MACF1: variants seen among roughly 807,000 people sequenced by gnomAD.
MACF1 encodes microtubule-actin cross-linking factor 1.
MACF1 carries 193 observed loss-of-function variants against 854.8 expected under a neutral mutation model. The ratio of observed to expected loss-of-function variants is 0.23; its 90% confidence interval spans 0.20 to 0.25. The LOEUF (loss-of-function observed/expected upper bound fraction) is 0.25. MACF1 is among the 10% of genes least tolerant of loss of function. MACF1 has a pLI of 1.00. For missense variants in MACF1, 7,722 were observed against 8,929.1 expected, an observed-to-expected ratio of 0.86 and a Z score of 5.45; for synonymous variants, 3,185 against 3,226.7, an observed-to-expected ratio of 0.99 and a Z score of 0.44.
chr1:39,293,762 G>T, intron 18 of MACF1, 143 bp downstream of exon 18: 1 of 658,760 alleles, frequency 1.5e-6, no homozygotes. Flanking sequence ...ATCCATGCAT[G>T]TGAGAAGTGT....
intron 2 of MACF1, among the ~76,000 whole-genome samples, chr1:39,097,117 T>C (rs569270942): frequency 1.6e-4 from 25 of 152,096 alleles, no homozygotes; most frequent in African/African-American, 6.0e-4. Context: ...CCTCAGGTGA[T>C]CCACCCGCCT....
intron 79 of MACF1, 38 bp downstream of exon 79, chr1:39,443,612 A>G (rs375408033): frequency 1.5e-5 from 24 of 1,567,332 alleles, no homozygotes; most frequent in South Asian, 3.6e-5. Context: ...TAAGCATCCC[A>G]TATTCACTAG....
intron 2 of MACF1, among the ~76,000 whole-genome samples, chr1:39,240,418 C>T (rs1196132236): frequency 6.6e-6 from 1 of 152,080 alleles, no homozygotes; most frequent in Admixed American, 6.6e-5. Flanking sequence ...ACATATGGGC[C>T]TATATTTGGA....
At chr1:39,405,568 T>G (rs1468012746) in intron 58 of MACF1, among the ~76,000 whole-genome samples, 1 of 152,214 alleles carries the variant, frequency 6.6e-6, no homozygotes, top group East Asian at 1.9e-4. Flanking sequence ...GGAGCTATGT[T>G]AGGGTGTGAG....
intron 52 of MACF1, among the ~76,000 whole-genome samples, chr1:39,374,232 ACT>A (rs1649519416): frequency 6.6e-6 from 1 of 152,116 alleles, no homozygotes; most frequent in Admixed American, 6.6e-5. Flanking sequence ...ACAGGGCGAG[ACT>A]CTGTCTAAAA....
At chr1:39,134,385 C>T (rs150606851) in intron 2 of MACF1, among the ~76,000 whole-genome samples, 10 of 152,258 alleles carry the variant, frequency 6.6e-5, no homozygotes, top group Non-Finnish European at 1.2e-4. Context: ...AATCAGGGAG[C>T]ATGCCTCTAA....
At chr1:39,301,717 G>A (rs938685686) in intron 22 of MACF1, among the ~76,000 whole-genome samples, 7 of 152,126 alleles carry the variant, frequency 4.6e-5, no homozygotes, top group Middle Eastern at 3.4e-3. Flanking sequence ...AAGCCACTGC[G>A]CCCAGCGTTT....
rs775130984 is a variant in MACF1, at chr1:39,357,597, C to G, written c.11647C>G (p.Leu3883Val). 1.2e-6 allele frequency: 2 copies of G among 1,614,026 alleles called. No individual in the cohort carries two copies. The highest frequency in any genetic ancestry group is 8.5e-7 in the Non-Finnish European group (1 of 1,180,040). Residue 3883 changes from leucine (L) to valine (V), a missense_variant, in exon 45 of 101, where the codon CTG becomes GTG. Coordinates refer to ENST00000564288, the MANE Select transcript of MACF1 (RefSeq NM_001394062.1). ...QTLQDELQKFLQDHKEFESWL... is the reference protein window; with the variant it reads ...QTLQDELQKFVQDHKEFESWL... ...ACTTCAGGATGAGTTGCAGAAATTTCTGCAGGATCATAAAGAGTTTGAAAG... is the reference window on the plus strand; with the variant it reads ...ACTTCAGGATGAGTTGCAGAAATTTGTGCAGGATCATAAAGAGTTTGAAAG...
intron 23 of MACF1, among the ~76,000 whole-genome samples, chr1:39,308,658 T>C (rs1487021132): frequency 7.0e-6 from 1 of 141,870 alleles, no homozygotes; most frequent in Non-Finnish European, 1.5e-5. Context: ...TTCAGTTTTC[T>C]TTTTTTTTTT....
At chr1:39,393,196 A>AAAATATATATATATAT (rs57576149) in intron 58 of MACF1, among the ~76,000 whole-genome samples, 2 of 66,566 alleles carry the variant, frequency 3.0e-5, no homozygotes, top group African/African-American at 1.7e-4. Context: ...AAAAAAAAAA[A>AAAATATATATATATAT]ATATATATAT....
At chr1:39,206,030 G>A (rs1644446229) in intron 1 of MACF1, among the ~76,000 whole-genome samples, 1 of 152,130 alleles carries the variant, frequency 6.6e-6, no homozygotes, top group Admixed American at 6.6e-5. Flanking sequence ...ACTTAGGTAT[G>A]TAGACACTTT....
intron 6 of MACF1, among the ~76,000 whole-genome samples, chr1:39,276,471 G>A (rs115633423): frequency 6.6e-6 from 1 of 151,854 alleles, no homozygotes; most frequent in Non-Finnish European, 1.5e-5. Context: ...CTTTTCTATC[G>A]GTTCCCAATT....
At chr1:39,188,175 C>T (rs1318793762) in intron 2 of MACF1, among the ~76,000 whole-genome samples, 1 of 152,064 alleles carries the variant, frequency 6.6e-6, no homozygotes, top group Admixed American at 6.6e-5. Flanking sequence ...CAGTGGCTCA[C>T]ACCTATAATC....
intron 6 of MACF1, among the ~76,000 whole-genome samples, chr1:39,273,117 T>A (rs1302027909): frequency 6.6e-6 from 1 of 151,570 alleles, no homozygotes; most frequent in East Asian, 1.9e-4. Context: ...AATGAAGCAT[T>A]TACCTCTATA....
intron 6 of MACF1, among the ~76,000 whole-genome samples, chr1:39,271,384 C>T (rs898634620): frequency 6.6e-6 from 1 of 152,126 alleles, no homozygotes; most frequent in Admixed American, 6.5e-5. Context: ...CTCATGAAAA[C>T]CCACCTACCC....
intron 58 of MACF1, among the ~76,000 whole-genome samples, chr1:39,391,040 G>A (rs950673308): frequency 6.6e-5 from 10 of 151,974 alleles, no homozygotes; most frequent in Non-Finnish European, 1.3e-4. Context: ...GAACCCAGGA[G>A]GTGGAGCTTG....
At chr1:39,427,322 A>G (rs1200348526) in intron 61 of MACF1, 133 bp from the exon 62 acceptor site, 12 of 675,190 alleles carry the variant, frequency 1.8e-5, no homozygotes, top group Admixed American at 2.9e-5. Context: ...GAAATGCTAC[A>G]TAACGTGTGT....
chr1:39,180,499 C>G (rs1557501726), intron 2 of MACF1, among the ~76,000 whole-genome samples: 1 of 152,096 alleles, frequency 6.6e-6, no homozygotes, highest in African/African-American at 2.4e-5. Flanking sequence ...GCCTGTAATT[C>G]CAGCTACCGG....
chr1:39,340,277 A>C (rs978608623), intron 38 of MACF1, among the ~76,000 whole-genome samples: 1 of 151,954 alleles, frequency 6.6e-6, no homozygotes, highest in African/African-American at 2.4e-5. Context: ...TTTTTTTTTT[A>C]AGCAATGAGG....
Sources: gnomAD v4.1 joint callset for allele counts (sites outside exome capture counted in the v4.1 genomes callset) on GRCh38, gnomAD v4.1.1 for gene constraint, MANE v1.5 for transcripts, NCBI Gene and HGNC (gene_info 2026-07-23, HGNC 2026-07-21) for gene names.